Variants in PTPRO observed in about 807,000 individuals in gnomAD.
The protein encoded by PTPRO is receptor-type tyrosine-protein phosphatase O.
PTPRO carries 62 observed loss-of-function variants against 145.2 expected under a neutral mutation model. The observed-to-expected ratio is 0.43, with a 90% CI of 0.35 to 0.53. The LOEUF (loss-of-function observed/expected upper bound fraction) is 0.53. Among genes scored for constraint, PTPRO ranks in the 20% least tolerant of loss-of-function variants. The probability of loss-of-function intolerance (pLI) is 0.01; values close to 1 mark genes in which losing one functional copy is unlikely to be tolerated. For missense variants in PTPRO, 1,345 were observed against 1,482.7 expected (o/e 0.91, Z 1.53); for synonymous variants, 565 against 514.7 (o/e 1.10, Z -1.32).
chr12:15,590,399 C>G (rs1358942332), intron 25 of PTPRO, among the ~76,000 whole-genome samples: 1 of 152,182 alleles, frequency 6.6e-6, no homozygotes, highest in African/African-American at 2.4e-5. Flanking sequence ...TTCGGTCTTA[C>G]AATAATCCTT....
At chr12:15,323,170 C>T (rs935171520) in intron 1 of PTPRO, among the ~76,000 whole-genome samples, 3 of 152,184 alleles carry the variant, frequency 2.0e-5, no homozygotes, top group African/African-American at 7.2e-5. Flanking sequence ...ACCTTTCCGC[C>T]CTCCCTCGCA....
intron 1 of PTPRO, among the ~76,000 whole-genome samples, chr12:15,427,298 G>C (rs1340707241): frequency 6.6e-6 from 1 of 151,850 alleles, no homozygotes; most frequent in Admixed American, 6.6e-5. Context: ...TGTTTTGGGA[G>C]TTTATCTTCA....
At position 15,516,963 on chromosome 12, in the gene PTPRO, T is replaced by A; in HGVS notation, c.1779+7T>A. 6.2e-7 allele frequency: 1 copy of A among 1,609,012 alleles called. No individual in the cohort carries two copies. On this transcript the variant is annotated splice_region_variant and intron_variant, in intron 9 of 26. Coordinates refer to ENST00000281171, the MANE Select transcript of PTPRO (RefSeq NM_030667.3). ...TTCCTTAACTGCATCCGTGGTAATCTTCCCTTAACCAACTGTCAGTCTTTC... is the reference window on the plus strand; with the variant it reads ...TTCCTTAACTGCATCCGTGGTAATCATCCCTTAACCAACTGTCAGTCTTTC...
At chr12:15,562,970 G>A (rs1442997458) in intron 17 of PTPRO, among the ~76,000 whole-genome samples, 1 of 152,080 alleles carries the variant, frequency 6.6e-6, no homozygotes, top group African/African-American at 2.4e-5. Flanking sequence ...AGAGTAAGCA[G>A]CACTTACAAA....
chr12:15,423,592 C>T (rs1224241058), intron 1 of PTPRO, among the ~76,000 whole-genome samples: 1 of 152,036 alleles, frequency 6.6e-6, no homozygotes, highest in Non-Finnish European at 1.5e-5. Context: ...TTACTAATTA[C>T]TTAAGCTTTA....
At chr12:15,368,736 A>G (rs915136458) in intron 1 of PTPRO, among the ~76,000 whole-genome samples, 11 of 152,240 alleles carry the variant, frequency 7.2e-5, no homozygotes, top group African/African-American at 1.9e-4. Flanking sequence ...TTTAAAATAT[A>G]TCTCCTTAAT....
At chr12:15,397,877 G>A (rs1939385908) in intron 1 of PTPRO, among the ~76,000 whole-genome samples, 1 of 152,096 alleles carries the variant, frequency 6.6e-6, no homozygotes, top group Admixed American at 6.5e-5. Flanking sequence ...TTTAAGGTAG[G>A]CCTTATGGAA....
At chr12:15,563,165 A>G (rs1943817118) in intron 17 of PTPRO, among the ~76,000 whole-genome samples, 1 of 152,184 alleles carries the variant, frequency 6.6e-6, no homozygotes, top group Admixed American at 6.5e-5. Flanking sequence ...CTTACCTAAT[A>G]TAAGTGAAAG....
intron 1 of PTPRO, among the ~76,000 whole-genome samples, chr12:15,451,495 C>G (rs533822176): frequency 6.6e-6 from 1 of 152,102 alleles, no homozygotes; most frequent in African/African-American, 2.4e-5. Flanking sequence ...AACAAATGGA[C>G]TTAACAAATA....
rs534876634 is a variant in PTPRO at position 15,475,845 on chromosome 12, T to C, written c.76-8129T>C. ...TGTGGTTCTTAGTAGATTCTTAATTTGTATCGACTAGATGAGAATATCAAT... is the reference window on the plus strand; with the variant it reads ...TGTGGTTCTTAGTAGATTCTTAATTCGTATCGACTAGATGAGAATATCAAT... On this transcript the variant is annotated intron_variant, in intron 1 of 26. Coordinates refer to ENST00000281171, the MANE Select transcript of PTPRO (RefSeq NM_030667.3). 2.0e-5 allele frequency among the ~76,000 whole-genome samples: 3 copies of C among 152,216 alleles called. No individual in the cohort carries two copies. The East Asian group carries it at 5.8e-4, about 29-fold the overall frequency.
In PTPRO at chr12:15,368,753, A is replaced by G. The variant is rs1231461156; in HGVS notation, c.75+45952A>G. ...TAAAATATATCTCCTTAATTGTTAT[A>G]TTAGATTTCACATTGAGAATGTTAT... On this transcript the variant is annotated intron_variant, in intron 1 of 26. Coordinates refer to ENST00000281171, the MANE Select transcript of PTPRO (RefSeq NM_030667.3). Among the ~76,000 whole-genome samples, 4 of 152,242 alleles carry G rather than the reference A, an allele frequency of 2.6e-5. No individual in the cohort carries two copies. In the East Asian group the frequency reaches 5.8e-4, roughly 22 times the overall value.
At chr12:15,387,805 A>C (rs1392699940) in intron 1 of PTPRO, among the ~76,000 whole-genome samples, 1 of 152,226 alleles carries the variant, frequency 6.6e-6, no homozygotes, top group Non-Finnish European at 1.5e-5. Flanking sequence ...AGACCACAAG[A>C]ATGTTAAAAG....
intron 12 of PTPRO, among the ~76,000 whole-genome samples, chr12:15,541,747 T>C (rs1054696343): frequency 5.3e-5 from 8 of 152,138 alleles, no homozygotes; most frequent in South Asian, 2.1e-4. Context: ...TGTGGTGGCT[T>C]ACGCCTGTAA....
chr12:15,514,231 A>G (rs746370142), intron 7 of PTPRO, among the ~76,000 whole-genome samples: 1 of 152,134 alleles, frequency 6.6e-6, no homozygotes, highest in Non-Finnish European at 1.5e-5. Flanking sequence ...CACGTGGATC[A>G]CCTGAGGTCA....
chr12:15,323,151 C>T (rs921966878), intron 1 of PTPRO, among the ~76,000 whole-genome samples: 5 of 152,224 alleles, frequency 3.3e-5, no homozygotes, highest in Non-Finnish European at 5.9e-5. Flanking sequence ...TGCACCCCAA[C>T]GCTGCTTAAC....
At chr12:15,584,943 T>C (rs777018359) in intron 23 of PTPRO, among the ~76,000 whole-genome samples, 1 of 152,166 alleles carries the variant, frequency 6.6e-6, no homozygotes, top group East Asian at 1.9e-4. Context: ...CACTTTCTAC[T>C]ACTTGAAATT....
At chr12:15,481,153 CA>C (rs544838922) in intron 1 of PTPRO, among the ~76,000 whole-genome samples, 380 of 152,264 alleles carry the variant, frequency 2.5e-3, no homozygotes, top group Non-Finnish European at 4.6e-3. Context: ...CCTTCTTGCC[CA>C]AACAATGAAA....
At chr12:15,448,339 T>TAAAAAAAAAAAAAA (rs56136736) in intron 1 of PTPRO, among the ~76,000 whole-genome samples, 1,797 of 44,994 alleles carry the variant, frequency 0.04, 653 homozygotes, top group Middle Eastern at 0.18. Context: ...CTGTTCCTAG[T>TAAAAAAAAAAAAAA]AAAAAAAAAA....
intron 1 of PTPRO, among the ~76,000 whole-genome samples, chr12:15,388,834 T>C (rs867632773): frequency 6.6e-6 from 1 of 152,306 alleles, no homozygotes. Context: ...CATAGCTAGC[T>C]GGAAGAGTTT....
Sources: gnomAD v4.1 joint callset for allele counts (sites outside exome capture counted in the v4.1 genomes callset) on GRCh38, gnomAD v4.1.1 for gene constraint, MANE v1.5 for transcripts, NCBI Gene and HGNC (gene_info 2026-07-23, HGNC 2026-07-21) for gene names.